The following RYR3 variants were observed in gnomAD, a reference collection of about 807,000 sequenced individuals.
RYR3 encodes ryanodine receptor 3, also known as brain ryanodine receptor-calcium release channel.
A neutral mutation model predicts 584.3 loss-of-function variants in RYR3; 207 were observed. That is an observed-to-expected ratio of 0.35 (90% CI 0.32 to 0.40). RYR3 has a LOEUF of 0.40. Among genes scored for constraint, RYR3 ranks in the 10% least tolerant of loss-of-function variants. The pLI is 1.00. For synonymous variants in RYR3, 2,416 were observed against 2,248.5 expected, an observed-to-expected ratio of 1.07 and a Z score of -2.11; for missense variants, 5,616 against 6,089.2, an observed-to-expected ratio of 0.92 and a Z score of 2.59.
At chr15:33,506,377 C>G (rs1188708013) in intron 3 of RYR3, among the ~76,000 whole-genome samples, 2 of 152,106 alleles carry the variant, frequency 1.3e-5, no homozygotes, top group Non-Finnish European at 2.9e-5. Context: ...TCTTTAAAAA[C>G]TCATGTTCAA....
At chr15:33,787,804 G>C (rs1864337) in intron 66 of RYR3, among the ~76,000 whole-genome samples, 85,568 of 152,148 alleles carry the variant, frequency 0.56, 26,065 homozygotes, top group East Asian at 0.96. Context: ...AGTGCCCGCT[G>C]TTAGTGCAGT....
intron 84 of RYR3, 115 bp from the exon 85 acceptor site, chr15:33,827,084 G>A: frequency 3.4e-6 from 3 of 887,322 alleles, no homozygotes; most frequent in South Asian, 1.5e-5. Flanking sequence ...ACCCAAACAT[G>A]GTATTCTTGT....
chr15:33,791,222 A>T (rs1021226154), intron 67 of RYR3, among the ~76,000 whole-genome samples: 3 of 152,204 alleles, frequency 2.0e-5, no homozygotes, highest in Admixed American at 2.0e-4. Flanking sequence ...TTCTTCACCA[A>T]TGGGAAGGAT....
In RYR3 at chr15:33,854,465, G is replaced by A. The variant is rs2079433466; in HGVS notation, c.13860+16G>A. ...TACTGACAACGTAAGTACTGCACCT[G>A]GAAAAACAAAATTCTATACCCCAGT... On this transcript the variant is annotated intron_variant, in intron 97 of 103. Coordinates refer to ENST00000634891, the MANE Select transcript of RYR3 (RefSeq NM_001036.6). The A allele has an allele frequency of 6.5e-7, 1 of 1,550,340 alleles. No individual in the cohort carries two copies.
chr15:33,433,602 T>C (rs2045401978), intron 1 of RYR3, among the ~76,000 whole-genome samples: 1 of 152,210 alleles, frequency 6.6e-6, no homozygotes. Flanking sequence ...GTAGCTGATT[T>C]ATATATTGAC....
intron 34 of RYR3, 141 bp from the exon 35 acceptor site, chr15:33,662,012 G>T (rs1003625628): frequency 1.6e-6 from 1 of 638,756 alleles, no homozygotes; most frequent in African/African-American, 1.8e-5. Flanking sequence ...GCTGAGAGAG[G>T]CATGATAAGC....
intron 95 of RYR3, 117 bp downstream of exon 95, chr15:33,853,204 A>G (rs567515404): frequency 1.0e-6 from 1 of 996,588 alleles, no homozygotes; most frequent in East Asian, 2.6e-5. Context: ...ATAATATCTC[A>G]AGAAGAGTAA....
intron 3 of RYR3, among the ~76,000 whole-genome samples, chr15:33,505,112 G>A (rs930856976): frequency 2.0e-5 from 3 of 152,274 alleles, no homozygotes; most frequent in Admixed American, 6.5e-5. Context: ...GCTTGAAGTT[G>A]TACATAATAC....
intron 53 of RYR3, among the ~76,000 whole-genome samples, chr15:33,746,871 T>C (rs2070773227): frequency 6.8e-6 from 1 of 147,696 alleles, no homozygotes; most frequent in Admixed American, 6.7e-5. Context: ...TGTAGTGGTG[T>C]GATCTCGGCT....
At chr15:33,344,277 A>G (rs1972171330) in intron 1 of RYR3, among the ~76,000 whole-genome samples, 1 of 152,206 alleles carries the variant, frequency 6.6e-6, no homozygotes, top group Non-Finnish European at 1.5e-5. Context: ...AATCTGCCTC[A>G]TGGTTGAACA....
In RYR3 at chr15:33,660,389, C is replaced by A. The variant is rs748675951; in HGVS notation, c.4588C>A (p.Gln1530Lys). 1.3e-6 allele frequency: 2 copies of A among 1,577,660 alleles called. No individual in the cohort carries two copies. The highest frequency in any genetic ancestry group is 2.3e-5 in the South Asian group (2 of 85,652). Reference protein sequence around the residue: ...GWVVQCLEPLQMMALHIPEEN... With the variant: ...GWVVQCLEPLKMMALHIPEEN... ...GGTGGTGCAGTGCCTGGAGCCCCTG[C>A]AGATGATGGCGCTCCACATCCCCGA... Residue 1530 changes from glutamine to lysine, a missense_variant, in exon 34 of 104, where the codon CAG becomes AAG. By Grantham distance (53) the Gln-to-Lys change is moderately conservative. This residue lies in a region of RYR3 where 753 missense variants were observed against 741.0 expected (regional missense o/e 1.02). Transcript: ENST00000634891.
At chr15:33,419,447 A>G (rs988842937) in intron 1 of RYR3, among the ~76,000 whole-genome samples, 6 of 151,932 alleles carry the variant, frequency 3.9e-5, no homozygotes, top group African/African-American at 1.4e-4. Context: ...CAGACGTTAG[A>G]CTCTGTTGCC....
Position 33,857,775 on chromosome 15 carries a change from C to G in RYR3, c.14008-5C>G. 1 of 1,613,962 alleles carries G rather than the reference C, an allele frequency of 6.2e-7. No homozygotes were observed. The highest frequency in any genetic ancestry group is 8.5e-7 in the Non-Finnish European group (1 of 1,179,868). On this transcript the variant is annotated splice_region_variant and splice_polypyrimidine_tract_variant and intron_variant, in intron 98 of 103. Coordinates refer to ENST00000634891, the MANE Select transcript of RYR3 (RefSeq NM_001036.6). ...CTTTTCCTTTCTCTGTCCTCTCATTCCCAGTTGGTTCTGACTGTCGGTCTC... is the reference window on the plus strand; with the variant it reads ...CTTTTCCTTTCTCTGTCCTCTCATTGCCAGTTGGTTCTGACTGTCGGTCTC...
rs776398441 is a variant in RYR3 at position 33,491,035 on chromosome 15, T to A, written c.172-12596T>A. 4.4e-4 allele frequency among the ~76,000 whole-genome samples: 67 copies of A among 152,154 alleles called. 2 individuals are homozygous for A. Among genetic ancestry groups the A allele is most frequent in the African/African-American group, 6.7e-4 (28 of 41,542 alleles). On this transcript the variant is annotated intron_variant, in intron 2 of 103. Coordinates refer to ENST00000634891, the MANE Select transcript of RYR3 (RefSeq NM_001036.6). Reference sequence around the variant, plus strand: ...GATGGGGCCAGGAACTAGCTTTTTTTAAAAAAATAAACTGCCAACAATTCT... The same window carrying A: ...GATGGGGCCAGGAACTAGCTTTTTTAAAAAAAATAAACTGCCAACAATTCT...
intron 44 of RYR3, among the ~76,000 whole-genome samples, chr15:33,723,541 T>C (rs2068104617): frequency 6.6e-6 from 1 of 152,130 alleles, no homozygotes; most frequent in Non-Finnish European, 1.5e-5. Flanking sequence ...ATCTAGAGAG[T>C]GGGCATAACC....
chr15:33,707,131 T>A, intron 43 of RYR3, 77 bp downstream of exon 43: 3 of 1,504,168 alleles, frequency 2.0e-6, no homozygotes, highest in Admixed American at 1.8e-5. Context: ...AAGGATATCC[T>A]TTCCATTGCT....
intron 2 of RYR3, among the ~76,000 whole-genome samples, chr15:33,491,065 C>G (rs1822396203): frequency 6.6e-6 from 1 of 152,176 alleles, no homozygotes; most frequent in Non-Finnish European, 1.5e-5. Context: ...AATTCTTATG[C>G]AGGTGGTCTA....
At chr15:33,543,177 C>T (rs986109816) in intron 7 of RYR3, among the ~76,000 whole-genome samples, 1 of 151,996 alleles carries the variant, frequency 6.6e-6, no homozygotes, top group Non-Finnish European at 1.5e-5. Context: ...GTCTGCTACC[C>T]CCTTCTCAGC....
chr15:33,832,877 A>C (rs1169579235), intron 86 of RYR3, among the ~76,000 whole-genome samples: 1 of 149,726 alleles, frequency 6.7e-6, no homozygotes, highest in Non-Finnish European at 1.5e-5. Flanking sequence ...GTATGGTAGC[A>C]GGTGCCTGTA....
Sources: gnomAD v4.1 joint callset for allele counts (sites outside exome capture counted in the v4.1 genomes callset) on GRCh38, gnomAD v4.1.1 for gene constraint, gnomAD v4.1.1 regional missense constraint, MANE v1.5 for transcripts, NCBI Gene and HGNC (gene_info 2026-07-23, HGNC 2026-07-21) for gene names.